The following AKR1B10 variants were observed in gnomAD, a reference collection of about 807,000 sequenced individuals.
The protein encoded by AKR1B10 is aldo-keto reductase family 1 member B10, also known as ARP.
Under a neutral mutation model 38.9 loss-of-function variants are expected in AKR1B10, and 39 were observed. The observed-to-expected ratio is 1.00, with a 90% CI of 0.78 to 1.31. The LOEUF (loss-of-function observed/expected upper bound fraction) is 1.31. AKR1B10 is among the 50% of genes most tolerant of loss of function. AKR1B10 has a pLI of 0.00. For missense variants in AKR1B10, 361 were observed against 382.6 expected, an observed-to-expected ratio of 0.94 and a Z score of 0.47; for synonymous variants, 148 against 141.2, an observed-to-expected ratio of 1.05 and a Z score of -0.34.
intron 8 of AKR1B10, 95 bp from the exon 9 acceptor site, chr7:134,538,840 G>A: frequency 7.0e-7 from 1 of 1,425,694 alleles, no homozygotes; most frequent in African/African-American, 1.4e-5. Context: ...TTTGTGCTGT[G>A]AATGTGAGCT....
chr7:134,539,030 G>C lies in AKR1B10; in HGVS notation c.908+13G>C. 6.2e-7 allele frequency: 1 copy of C among 1,613,986 alleles called. No homozygotes were observed. The highest frequency in any genetic ancestry group is 8.5e-7 in the Non-Finnish European group (1 of 1,179,906). On this transcript the variant is annotated intron_variant, in intron 9 of 9. Coordinates refer to ENST00000359579, the MANE Select transcript of AKR1B10 (RefSeq NM_020299.5). Reference sequence around the variant, plus strand: ...GTAACGTGTTGCAGTAAGTGGCATGGAGTTAACTAGAAGCATTGCCAGGAG... The same window carrying C: ...GTAACGTGTTGCAGTAAGTGGCATGCAGTTAACTAGAAGCATTGCCAGGAG...
chr7:134,538,805 G>A lies in AKR1B10; in HGVS notation c.826-130G>A. The A allele has an allele frequency of 2.9e-6, 3 of 1,030,826 alleles. No individual in the cohort carries two copies. The Admixed American group carries it at 6.6e-5, about 23-fold the overall frequency. 63.9% of individuals were successfully genotyped at this position (1,030,826 alleles called of 1,614,324 possible). ...GAGAAAAATTTGTATCCCGTGGACA[G>A]AATGGGAAAAACTCCTGTGGCCAGT... On this transcript the variant is annotated intron_variant, in intron 8 of 9. Transcript: ENST00000359579.
intron 4 of AKR1B10, among the ~76,000 whole-genome samples, chr7:134,533,474 A>G (rs1429496662): frequency 6.6e-6 from 1 of 152,216 alleles, no homozygotes; most frequent in Non-Finnish European, 1.5e-5. Flanking sequence ...AATACATACT[A>G]CCAATATATA....
chr7:134,531,014 G>A (rs1807841796), intron 2 of AKR1B10, among the ~76,000 whole-genome samples: 1 of 152,192 alleles, frequency 6.6e-6, no homozygotes, highest in African/African-American at 2.4e-5. Flanking sequence ...CCTGCCTGTA[G>A]GTTGGTTTTC....
intron 4 of AKR1B10, 66 bp downstream of exon 4, chr7:134,533,147 G>T (rs146661177): frequency 0.021 from 27,302 of 1,306,342 alleles, 531 homozygotes; most frequent in Non-Finnish European, 0.021. Context: ...AGATTCGCAT[G>T]GATATGAATG....
chr7:134,536,656 G>C lies in AKR1B10; in HGVS notation c.436G>C (p.Glu146Gln). The change falls in exon 5 of 10, where the codon GAG (glutamate) becomes CAG (glutamine). Residue 146 changes from glutamate to glutamine, a missense_variant. Glu to Gln is a conservative substitution (Grantham distance 29). Transcript: ENST00000359579. ...ATFLDAWEAM[E>Q]ELVDEGLVKA... ...GTATTCCTTTCTATGATAGGCCATGGAGGAGCTGGTGGATGAGGGGCTGGT... is the reference window on the plus strand; with the variant it reads ...GTATTCCTTTCTATGATAGGCCATGCAGGAGCTGGTGGATGAGGGGCTGGT... The C allele has an allele frequency of 6.2e-7, 1 of 1,613,856 alleles. No individual in the cohort carries two copies. Among genetic ancestry groups the C allele is most frequent in the Non-Finnish European group, 8.5e-7 (1 of 1,179,800 alleles).
intron 9 of AKR1B10, among the ~76,000 whole-genome samples, chr7:134,540,737 T>C (rs1282917597): frequency 2.6e-5 from 4 of 152,198 alleles, no homozygotes; most frequent in Admixed American, 1.3e-4. Context: ...TGTTTCCTAC[T>C]TCATGATGTT....
chr7:134,535,480 A>C, intron 4 of AKR1B10: 1 of 437,310 alleles, frequency 2.3e-6, no homozygotes, highest in Non-Finnish European at 3.0e-6. Context: ...AAAGTTGAGA[A>C]GGGCTGGATA....
At chr7:134,528,140 T>C (rs558801677) in intron 1 of AKR1B10, among the ~76,000 whole-genome samples, 163 bp downstream of exon 1, 1 of 152,326 alleles carries the variant, frequency 6.6e-6, no homozygotes, top group South Asian at 2.1e-4. Context: ...TCAGAGCTGA[T>C]TCAGGCTGCA....
chr7:134,534,873 T>TTC (rs2117546072), intron 4 of AKR1B10, among the ~76,000 whole-genome samples: 1 of 152,298 alleles, frequency 6.6e-6, no homozygotes, highest in South Asian at 2.1e-4. Context: ...ATCCTAGTGG[T>TTC]TCTCAACGTG....
intron 7 of AKR1B10, 35 bp downstream of exon 7, chr7:134,537,696 C>T (rs1042083183): frequency 5.0e-6 from 8 of 1,608,010 alleles, no homozygotes; most frequent in African/African-American, 4.0e-5. Context: ...TATCCAACAA[C>T]TCATTCTTCC....
chr7:134,537,139 G>A lies in AKR1B10; in HGVS notation c.641G>A (p.Gly214Asp). 6.3e-7 allele frequency: 1 copy of A among 1,596,444 alleles called. No individual in the cohort carries two copies. The highest frequency in any genetic ancestry group is 8.5e-7 in the Non-Finnish European group (1 of 1,171,188). The change falls in exon 6 of 10, where the codon GGC becomes GAC. Residue 214 changes from glycine to aspartate, a missense_variant. By Grantham distance (94) the Gly-to-Asp change is moderately conservative. This residue lies in a region of AKR1B10 where 132 missense variants were observed against 134.6 expected (regional missense o/e 0.98). Coordinates refer to ENST00000359579, the MANE Select transcript of AKR1B10 (RefSeq NM_020299.5). ...GITVTAYSPLGSPDRPWAKPE... is the reference protein window; with the variant it reads ...GITVTAYSPLDSPDRPWAKPE... ...ACCGTTACGGCCTACAGCCCCCTGGGCTCTCCGGATAGACCTTGGTGAGGC... is the reference window on the plus strand; with the variant it reads ...ACCGTTACGGCCTACAGCCCCCTGGACTCTCCGGATAGACCTTGGTGAGGC...
intron 4 of AKR1B10, chr7:134,535,579 TTCTG>T: frequency 3.1e-6 from 3 of 958,818 alleles, no homozygotes; most frequent in Non-Finnish European, 3.7e-6. Context: ...TTTCCCTCTT[TTCTG>T]TCTTTTTTTT....
In AKR1B10 at chr7:134,527,814, C is replaced by T. The variant is rs1807721438; in HGVS notation, c.-98C>T. 6.4e-7 allele frequency: 1 copy of T among 1,565,416 alleles called. No homozygotes were observed. Among genetic ancestry groups the T allele is most frequent in the Admixed American group, 1.7e-5 (1 of 58,620 alleles). On this transcript the variant is annotated 5_prime_UTR_variant, in exon 1 of 10. Coordinates refer to ENST00000359579, the MANE Select transcript of AKR1B10 (RefSeq NM_020299.5). ...TGAGCTGAGATCGCACCACTGCACTCTAGCCTTGGCAACAGTGCAAGACTG... is the reference window on the plus strand; with the variant it reads ...TGAGCTGAGATCGCACCACTGCACTTTAGCCTTGGCAACAGTGCAAGACTG...
At chr7:134,533,346 G>A (rs1807916697) in intron 4 of AKR1B10, among the ~76,000 whole-genome samples, 1 of 152,160 alleles carries the variant, frequency 6.6e-6, no homozygotes, top group Admixed American at 6.5e-5. Context: ...TCAAACCAGG[G>A]CGAGGCATTT....
intron 5 of AKR1B10, 60 bp from the exon 6 acceptor site, chr7:134,536,991 C>G: frequency 1.3e-6 from 2 of 1,556,336 alleles, no homozygotes; most frequent in South Asian, 2.5e-5. Context: ...GTAGAACTCC[C>G]TAGGAACAAT....
At position 134,534,803 on chromosome 7, in the gene AKR1B10, G is replaced by T. The variant is rs1807953737; in HGVS notation, c.429+1722G>T. On this transcript the variant is annotated intron_variant, in intron 4 of 9. Coordinates refer to ENST00000359579, the MANE Select transcript of AKR1B10 (RefSeq NM_020299.5). ...ATCTAATTGCCCCATCTGAAATTTT[G>T]GGAAACCTAATGATTTCACAGCTTC... Among the ~76,000 whole-genome samples the T allele has an allele frequency of 2.6e-5, 4 of 152,240 alleles. No individual in the cohort carries two copies. The South Asian group carries it at 8.3e-4, about 32-fold the overall frequency.
intron 1 of AKR1B10, among the ~76,000 whole-genome samples, chr7:134,528,708 G>C (rs1562928939): frequency 6.6e-6 from 1 of 151,756 alleles, no homozygotes; most frequent in Admixed American, 6.6e-5. Flanking sequence ...CTGGGCAACA[G>C]AGTGAGATCC....
chr7:134,540,156 T>G (rs1174000613), intron 9 of AKR1B10, among the ~76,000 whole-genome samples: 1 of 151,870 alleles, frequency 6.6e-6, no homozygotes, highest in Admixed American at 6.6e-5. Flanking sequence ...AGGTAGAGCT[T>G]GCAGTGAGCT....
Sources: allele counts gnomAD v4.1 joint callset (sites outside exome capture counted in the v4.1 genomes callset), GRCh38; gene constraint gnomAD v4.1.1; regional missense constraint gnomAD v4.1.1; transcripts MANE v1.5; gene names NCBI Gene and HGNC (gene_info 2026-07-23, HGNC 2026-07-21).